PCSK2: variants seen among roughly 807,000 people sequenced by gnomAD.
PCSK2 encodes the protein neuroendocrine convertase 2.
A neutral mutation model predicts 69.7 loss-of-function variants in PCSK2; 14 were observed. That is an observed-to-expected ratio of 0.20 (90% confidence interval 0.13 to 0.31). The LOEUF is 0.31. Among genes scored for constraint, PCSK2 ranks in the 10% least tolerant of loss-of-function variants. The pLI, the probability that PCSK2 is intolerant of heterozygous loss-of-function variation, is 1.00. For missense variants in PCSK2, 544 were observed against 842.5 expected (o/e 0.65, Z 4.39); for synonymous variants, 307 against 320.7 (o/e 0.96, Z 0.46).
At chr20:17,315,637 G>A (rs1421253276) in intron 2 of PCSK2, among the ~76,000 whole-genome samples, 1 of 152,252 alleles carries the variant, frequency 6.6e-6, no homozygotes, top group Admixed American at 6.5e-5. Flanking sequence ...CAGAGAATGA[G>A]TAGGTGCCTG....
intron 2 of PCSK2, among the ~76,000 whole-genome samples, chr20:17,287,459 G>GTT (rs1292876227): frequency 6.6e-6 from 1 of 151,250 alleles, no homozygotes; most frequent in Non-Finnish European, 1.5e-5. Context: ...GTGTGTGTGT[G>GTT]TGTGTTAAAA....
chr20:17,297,246 AGACG>A (rs1270940345), intron 2 of PCSK2, among the ~76,000 whole-genome samples: 1 of 152,216 alleles, frequency 6.6e-6, no homozygotes, highest in African/African-American at 2.4e-5. Context: ...TGCCAGACAG[AGACG>A]TGGAGTCCAG....
At chr20:17,323,548 A>G (rs571920768) in intron 2 of PCSK2, among the ~76,000 whole-genome samples, 6 of 152,370 alleles carry the variant, frequency 3.9e-5, no homozygotes, top group Admixed American at 3.9e-4. Context: ...CAAAGCTATT[A>G]ATGTGGAGCC....
intron 8 of PCSK2, among the ~76,000 whole-genome samples, chr20:17,447,971 T>C (rs766817378): frequency 6.6e-6 from 1 of 152,190 alleles, no homozygotes; most frequent in Non-Finnish European, 1.5e-5. Flanking sequence ...CCACAAAATA[T>C]CACCAGTGAT....
At chr20:17,334,116 T>C (rs1482025730) in intron 2 of PCSK2, among the ~76,000 whole-genome samples, 1 of 151,916 alleles carries the variant, frequency 6.6e-6, no homozygotes, top group Admixed American at 6.6e-5. Context: ...CTGGAATCAT[T>C]TCTCCCAGCA....
At position 17,347,896 on chromosome 20, in the gene PCSK2, G is replaced by A. The variant is rs1190262530; in HGVS notation, c.283-10431G>A. Among the ~76,000 whole-genome samples, 8 of 14,438 alleles carry A rather than the reference G, an allele frequency of 5.5e-4. 1 individual carries two copies. In the Admixed American group the frequency reaches 5.6e-3, roughly 10 times the overall value. The allele number at this position is 14,438 out of a possible 152,430, so 9.5% of individuals were successfully genotyped here. On this transcript the variant is annotated intron_variant, in intron 2 of 11. Coordinates refer to ENST00000262545, the MANE Select transcript of PCSK2 (RefSeq NM_002594.5). ...AAAAAGAAAGAAAGAAAGAAAGAAAGAAAGAAAGAAAGAAAGAAAGAAAGG... is the reference window on the plus strand; with the variant it reads ...AAAAAGAAAGAAAGAAAGAAAGAAAAAAAGAAAGAAAGAAAGAAAGAAAGG...
chr20:17,320,690 G>A (rs960717595), intron 2 of PCSK2, among the ~76,000 whole-genome samples: 7 of 152,188 alleles, frequency 4.6e-5, no homozygotes, highest in Non-Finnish European at 7.3e-5. Flanking sequence ...GTCAGAGACC[G>A]CTGGAGGGTG....
At chr20:17,439,499 G>A (rs536131293) in intron 8 of PCSK2, among the ~76,000 whole-genome samples, 2 of 152,224 alleles carry the variant, frequency 1.3e-5, no homozygotes, top group South Asian at 2.1e-4. Context: ...CCCTGTGTCC[G>A]TGTTTGTATT....
At chr20:17,290,331 C>T (rs908348731) in intron 2 of PCSK2, among the ~76,000 whole-genome samples, 8 of 152,236 alleles carry the variant, frequency 5.3e-5, no homozygotes, top group Middle Eastern at 3.4e-3. Flanking sequence ...CTGTATGATC[C>T]CATTTTGTCA....
chr20:17,325,891 C>G (rs939062667), intron 2 of PCSK2, among the ~76,000 whole-genome samples: 2 of 152,198 alleles, frequency 1.3e-5, no homozygotes, highest in Non-Finnish European at 2.9e-5. Flanking sequence ...TGGGCTAACC[C>G]AGGTATATTC....
intron 10 of PCSK2, chr20:17,465,024 C>T: frequency 2.5e-6 from 1 of 399,944 alleles, no homozygotes; most frequent in Non-Finnish European, 4.6e-6. Flanking sequence ...AGTTGCTCCA[C>T]ATCTTCAACA....
intron 2 of PCSK2, among the ~76,000 whole-genome samples, chr20:17,289,082 G>A (rs945986102): frequency 4.6e-5 from 7 of 152,212 alleles, no homozygotes; most frequent in Non-Finnish European, 8.8e-5. Context: ...CCGAAGGACA[G>A]CAGCAAGGTC....
chr20:17,284,545 T>G (rs543261600), intron 2 of PCSK2, among the ~76,000 whole-genome samples: 1 of 152,352 alleles, frequency 6.6e-6, no homozygotes, highest in East Asian at 1.9e-4. Context: ...CTGGGCTTTA[T>G]AGCAATTTTA....
chr20:17,294,831 T>C (rs1988834700), intron 2 of PCSK2, among the ~76,000 whole-genome samples: 1 of 152,216 alleles, frequency 6.6e-6, no homozygotes, highest in Admixed American at 6.5e-5. Flanking sequence ...AAAATATGTT[T>C]GCCTGTTTTC....
chr20:17,287,231 T>C (rs1330019578), intron 2 of PCSK2, among the ~76,000 whole-genome samples: 1 of 152,044 alleles, frequency 6.6e-6, no homozygotes, highest in African/African-American at 2.4e-5. Flanking sequence ...CCTAGCCCAG[T>C]TGACACATAA....
intron 1 of PCSK2, among the ~76,000 whole-genome samples, chr20:17,250,183 A>G (rs1348971269): frequency 1.3e-5 from 2 of 152,162 alleles, no homozygotes; most frequent in Non-Finnish European, 1.5e-5. Flanking sequence ...CAGTTGTCCC[A>G]CTAGTGTCCT....
At chr20:17,297,764 C>A (rs1034650012) in intron 2 of PCSK2, among the ~76,000 whole-genome samples, 1 of 152,252 alleles carries the variant, frequency 6.6e-6, no homozygotes, top group South Asian at 2.1e-4. Flanking sequence ...AGGATAAACA[C>A]TGCCACCTTT....
At chr20:17,377,071 G>C (rs2030948474) in intron 5 of PCSK2, among the ~76,000 whole-genome samples, 1 of 152,180 alleles carries the variant, frequency 6.6e-6, no homozygotes, top group Admixed American at 6.5e-5. Context: ...AGTTCCTATG[G>C]CTGCAAGCCT....
chr20:17,361,035 TTTAA>T (rs1600521199), intron 4 of PCSK2, among the ~76,000 whole-genome samples: 1 of 152,246 alleles, frequency 6.6e-6, no homozygotes, highest in Non-Finnish European at 1.5e-5. Context: ...AACTTTACAT[TTTAA>T]TTAATTAAAG....
Sources: allele counts gnomAD v4.1 joint callset (sites outside exome capture counted in the v4.1 genomes callset), GRCh38; gene constraint gnomAD v4.1.1; transcripts MANE v1.5; gene names NCBI Gene and HGNC (gene_info 2026-07-23, HGNC 2026-07-21).